The following MLLT10 variants were observed in gnomAD, a reference collection of about 807,000 sequenced individuals.
MLLT10 encodes the protein protein AF-10.
MLLT10 carries 30 observed loss-of-function variants against 129.1 expected under a neutral mutation model. The ratio of observed to expected loss-of-function variants is 0.23; its 90% CI spans 0.17 to 0.32. The LOEUF (loss-of-function observed/expected upper bound fraction) is 0.32, where lower values mean the gene tolerates loss of function less well. Ranked by LOEUF, MLLT10 falls within the 10% of genes least tolerant of loss-of-function variation. The pLI is 1.00. For missense variants in MLLT10, 1,119 were observed against 1,268.3 expected, an observed-to-expected ratio of 0.88 and a Z score of 1.79; for synonymous variants, 490 against 446.4, an observed-to-expected ratio of 1.10 and a Z score of -1.23.
intron 14 of MLLT10, among the ~76,000 whole-genome samples, chr10:21,717,665 TTCCTCCTCCTCTTCCTCCTCCTCC>T (rs1564710874): frequency 0.025 from 968 of 39,394 alleles, 19 homozygotes; most frequent in Non-Finnish European, 0.037. Flanking sequence ...CCTCCTCCTC[TTCCTCCTCCTCTTCCTCCTCCTCC>T]TCCTCCTCCT....
intron 2 of MLLT10, among the ~76,000 whole-genome samples, chr10:21,538,513 C>G (rs563371380): frequency 1.3e-5 from 2 of 151,852 alleles, no homozygotes; most frequent in South Asian, 4.2e-4. Context: ...CACTGTATTG[C>G]CTAGACTGTT....
In MLLT10 at chr10:21,573,069, A is replaced by G. The variant is rs2040381110; in HGVS notation, c.241-13225A>G. ...TTTCTTACAACCTTACTTAAGTCAT[A>G]TTAATTCTACTAGTTTTTTAGGTAG... On this transcript the variant is annotated intron_variant, in intron 3 of 22. Transcript: ENST00000307729. Among the ~76,000 whole-genome samples the G allele has an allele frequency of 2.0e-5, 3 of 152,166 alleles. No homozygotes were observed. The South Asian group carries it at 6.2e-4, about 32-fold the overall frequency.
At chr10:21,626,065 C>G in intron 8 of MLLT10, 215 of 1,509,042 alleles carry the variant, frequency 1.4e-4, no homozygotes, top group Non-Finnish European at 1.7e-4. Flanking sequence ...AGGCCTTGAT[C>G]TTCACTTCAT....
Position 21,742,821 on chromosome 10 carries a change from G to T in MLLT10, c.*838G>T. The T allele has an allele frequency of 4.4e-6, 1 of 227,894 alleles. No homozygotes were observed. Among genetic ancestry groups the T allele is most frequent in the East Asian group, 6.3e-5 (1 of 15,884 alleles). 14.1% of individuals were successfully genotyped at this position (227,894 alleles called of 1,614,324 possible). On this transcript the variant is annotated 3_prime_UTR_variant, in exon 23 of 23. Coordinates refer to ENST00000307729, the MANE Select transcript of MLLT10 (RefSeq NM_001195626.3). ...TGCAAGGGCTGTAGACAGCAGGGTG[G>T]GACAGTCAGTCCTCCGAGCAGCAGG...
Position 21,651,654 on chromosome 10 carries a change from T to G in MLLT10, c.700-19T>G. ...TTATAGTTAAATTAAAATTGGATTT[T>G]ACTTATATTCGTTTTTAGAAATATA... On this transcript the variant is annotated intron_variant, in intron 8 of 22. Coordinates refer to ENST00000307729, the MANE Select transcript of MLLT10 (RefSeq NM_001195626.3). The G allele has an allele frequency of 6.3e-7, 1 of 1,578,908 alleles. No homozygotes were observed. The highest frequency in any genetic ancestry group is 8.7e-7 in the Non-Finnish European group (1 of 1,151,612).
Position 21,740,129 on chromosome 10 carries a change from A to T in MLLT10, c.3055A>T (p.Ile1019Leu). 6.2e-7 allele frequency: 1 copy of T among 1,614,142 alleles called. No individual in the cohort carries two copies. The highest frequency in any genetic ancestry group is 8.5e-7 in the Non-Finnish European group (1 of 1,180,024). The change falls in exon 22 of 23, where the codon ATA becomes TTA. Residue 1019 changes from isoleucine to leucine, a missense_variant. Coordinates refer to ENST00000307729, the MANE Select transcript of MLLT10 (RefSeq NM_001195626.3). ...QQLQIPGPTQ[I>L]PINNLLAGTQ... is the part of the protein sequence containing the mutation. Reference sequence around the variant, plus strand: ...GCTGCAGATCCCTGGACCAACACAAATACCCATAAACAACCTTCTTGCAGG... The same window carrying T: ...GCTGCAGATCCCTGGACCAACACAATTACCCATAAACAACCTTCTTGCAGG...
At chr10:21,606,960 G>A (rs937671772) in intron 5 of MLLT10, among the ~76,000 whole-genome samples, 2 of 152,160 alleles carry the variant, frequency 1.3e-5, no homozygotes, top group Non-Finnish European at 2.9e-5. Context: ...AATTGATATA[G>A]CCAACTTTAT....
chr10:21,547,677 T>A (rs944175928), intron 3 of MLLT10, among the ~76,000 whole-genome samples: 2 of 152,004 alleles, frequency 1.3e-5, no homozygotes, highest in African/African-American at 2.4e-5. Flanking sequence ...TAGCTGGGAC[T>A]ACAGGCACAT....
At position 21,598,363 on chromosome 10, in the gene MLLT10, C is replaced by G. The variant is rs543047629; in HGVS notation, c.405+2923C>G. Among the ~76,000 whole-genome samples the G allele has an allele frequency of 2.4e-3, 358 of 152,296 alleles. 1 individual carries two copies. The highest frequency in any genetic ancestry group is 8.1e-3 in the African/African-American group (338 of 41,560). ...TCTACTTCTGACACAACAGTATAAT[C>G]TAGGCTCATCTTGTGTTATTCCTGC... On this transcript the variant is annotated intron_variant, in intron 5 of 22. Transcript: ENST00000307729.
intron 13 of MLLT10, among the ~76,000 whole-genome samples, chr10:21,687,010 A>T (rs1355373272): frequency 6.6e-6 from 1 of 152,008 alleles, no homozygotes; most frequent in Non-Finnish European, 1.5e-5. Context: ...TAAAGTACCA[A>T]AGAGCTTACT....
chr10:21,551,826 G>A (rs767589470), intron 3 of MLLT10: 6 of 402,636 alleles, frequency 1.5e-5, no homozygotes, highest in South Asian at 3.5e-5. Context: ...GCAGAGTCTC[G>A]CTCTGTTGCC....
chr10:21,603,055 T>A (rs1290381831), intron 5 of MLLT10, among the ~76,000 whole-genome samples: 1 of 151,400 alleles, frequency 6.6e-6, no homozygotes, highest in Non-Finnish European at 1.5e-5. Context: ...AATCAAAAAA[T>A]TTTTTTCTTT....
intron 3 of MLLT10, among the ~76,000 whole-genome samples, chr10:21,578,150 C>T (rs544666948): frequency 1.3e-5 from 2 of 152,286 alleles, no homozygotes; most frequent in South Asian, 4.1e-4. Flanking sequence ...CCGCCTAGAC[C>T]TCCCAAAGTG....
intron 9 of MLLT10, among the ~76,000 whole-genome samples, chr10:21,653,950 G>T (rs187127315): frequency 1.3e-5 from 2 of 152,326 alleles, no homozygotes; most frequent in African/African-American, 4.8e-5. Context: ...CTCCTGTGTC[G>T]AAAGATCTGG....
At chr10:21,700,869 C>G (rs183861482) in intron 13 of MLLT10, among the ~76,000 whole-genome samples, 63 of 152,228 alleles carry the variant, frequency 4.1e-4, no homozygotes, top group Non-Finnish European at 8.1e-4. Context: ...GAATTCCCTT[C>G]TCTTGGATTT....
At chr10:21,645,190 G>A (rs1238478156) in intron 8 of MLLT10, among the ~76,000 whole-genome samples, 2 of 152,134 alleles carry the variant, frequency 1.3e-5, no homozygotes, top group African/African-American at 2.4e-5. Context: ...TCAGTCTAGG[G>A]CAATTTCTAC....
At chr10:21,708,991 T>G (rs191443862) in intron 13 of MLLT10, among the ~76,000 whole-genome samples, 7 of 152,330 alleles carry the variant, frequency 4.6e-5, no homozygotes, top group African/African-American at 1.7e-4. Context: ...AGGTAGCCAT[T>G]ATCTTTGTTT....
intron 9 of MLLT10, among the ~76,000 whole-genome samples, chr10:21,663,820 C>T (rs1303877408): frequency 6.6e-6 from 1 of 152,134 alleles, no homozygotes; most frequent in Non-Finnish European, 1.5e-5. Flanking sequence ...CCTGCCTCCA[C>T]CTCCCAAAGT....
intron 14 of MLLT10, among the ~76,000 whole-genome samples, chr10:21,722,283 C>T (rs920149751): frequency 6.6e-6 from 1 of 152,146 alleles, no homozygotes; most frequent in African/African-American, 2.4e-5. Flanking sequence ...TAGCCGTTCT[C>T]CTTACCTGGG....
Sources: gnomAD v4.1 joint callset for allele counts (sites outside exome capture counted in the v4.1 genomes callset) on GRCh38, gnomAD v4.1.1 for gene constraint, MANE v1.5 for transcripts, NCBI Gene and HGNC (gene_info 2026-07-23, HGNC 2026-07-21) for gene names.